Variants in CUL1 observed in about 807,000 individuals in gnomAD.
The protein encoded by CUL1 is cullin-1.
Under a neutral mutation model 118.0 loss-of-function variants are expected in CUL1, and 24 were observed. The ratio of observed to expected loss-of-function variants is 0.20; its 90% CI spans 0.15 to 0.29. The LOEUF is 0.29. Among genes scored for constraint, CUL1 ranks in the 10% least tolerant of loss-of-function variants. The pLI is 1.00. For synonymous variants in CUL1, 332 were observed against 340.4 expected (o/e 0.98, Z 0.27); for missense variants, 361 against 933.8 (o/e 0.39, Z 7.99).
chr7:148,765,719 C>T lies in CUL1; in HGVS notation c.790-842C>T, dbSNP rs114725679. ...ATATAATTCTCTTTACTCAGATCACCTGAATAATTTATTGAAATTTCTTCC... is the reference window on the plus strand; with the variant it reads ...ATATAATTCTCTTTACTCAGATCACTTGAATAATTTATTGAAATTTCTTCC... On this transcript the variant is annotated intron_variant, in intron 7 of 21. Coordinates refer to ENST00000325222, the MANE Select transcript of CUL1 (RefSeq NM_003592.3). 1.5e-3 allele frequency among the ~76,000 whole-genome samples: 224 copies of T among 152,312 alleles called. 2 individuals are homozygous for T. Among genetic ancestry groups the T allele is most frequent in the African/African-American group, 5.2e-3 (218 of 41,576 alleles).
chr7:148,779,109 A>G (rs1163256832), intron 9 of CUL1, among the ~76,000 whole-genome samples: 1 of 152,222 alleles, frequency 6.6e-6, no homozygotes, highest in African/African-American at 2.4e-5. Context: ...AGTAAGATAA[A>G]AAGTTATGTG....
intron 9 of CUL1, among the ~76,000 whole-genome samples, chr7:148,779,646 G>A (rs1212422637): frequency 6.6e-6 from 1 of 152,208 alleles, no homozygotes; most frequent in Non-Finnish European, 1.5e-5. Flanking sequence ...AACCAACGGA[G>A]AGTGATACAG....
At chr7:148,767,872 C>A in intron 9 of CUL1, 123 bp downstream of exon 9, 1 of 989,332 alleles carries the variant, frequency 1.0e-6, no homozygotes, top group Non-Finnish European at 1.5e-6. Context: ...CTCTGAGAAC[C>A]ATGTTTTGTC....
At chr7:148,736,499 T>C (rs1385578695) in intron 2 of CUL1, among the ~76,000 whole-genome samples, 1 of 152,056 alleles carries the variant, frequency 6.6e-6, no homozygotes. Context: ...CATGGAGTCT[T>C]GCTATGTTGC....
upstream of CUL1, chr7:148,698,697 C>T (rs1797602437): frequency 6.6e-6 from 1 of 152,100 alleles, no homozygotes; most frequent in Non-Finnish European, 1.5e-5. Flanking sequence ...CTCCCCCGCC[C>T]CGGACGCCGA....
At chr7:148,704,316 G>A (rs243545) in intron 1 of CUL1, among the ~76,000 whole-genome samples, 68,218 of 151,910 alleles carry the variant, frequency 0.45, 16,200 homozygotes, top group African/African-American at 0.61. Context: ...ATTAAAAAAT[G>A]AACTACTTAT....
intron 2 of CUL1, among the ~76,000 whole-genome samples, chr7:148,746,524 C>CTA (rs1799314238): frequency 6.6e-6 from 1 of 152,186 alleles, no homozygotes; most frequent in African/African-American, 2.4e-5. Flanking sequence ...TAGCCTTGGA[C>CTA]TACTACTAAG....
rs773944985 is a variant in CUL1, at chr7:148,730,140, C to T, written c.18C>T (p.Ser6=). ...CCCTCACAATGTCGTCAACCCGGAG[C>T]CAGAACCCCCACGGCCTGAAGCAGA... MSSTR[S]QNPHGLKQIG... is the part of the protein sequence containing the mutation. Residue 6 remains serine (S), a synonymous_variant, in exon 2 of 22, where the codon AGC becomes AGT. Transcript: ENST00000325222. 1.2e-6 allele frequency: 2 copies of T among 1,613,708 alleles called. No individual in the cohort carries two copies. Among genetic ancestry groups the T allele is most frequent in the Admixed American group, 3.3e-5 (2 of 59,908 alleles).
At chr7:148,768,600 G>T (rs530385040) in intron 9 of CUL1, among the ~76,000 whole-genome samples, 9 of 151,888 alleles carry the variant, frequency 5.9e-5, no homozygotes, top group African/African-American at 1.9e-4. Flanking sequence ...GGCCAGGCTG[G>T]TCTCAAACTC....
In CUL1 at chr7:148,798,720, G is replaced by A. The variant is rs192342990; in HGVS notation, c.2136+43G>A. On this transcript the variant is annotated intron_variant, in intron 20 of 21. Transcript: ENST00000325222. ...CTGTGCCAGGTGTGCTGTCCCTCAC[G>A]CAGGGATGGCTCGCAAGGACGGGCC... 107 of 1,514,650 alleles carry A rather than the reference G, an allele frequency of 7.1e-5. No homozygotes were observed. In the African/African-American group the frequency reaches 1.3e-3, roughly 18 times the overall value. The allele number at this position is 1,514,650 out of a possible 1,614,324, so 93.8% of individuals were successfully genotyped here. A position where few individuals can be genotyped will look rare whatever the true frequency, so the allele number is the denominator to read the frequency against.
chr7:148,729,031 G>A (rs918154731), intron 1 of CUL1, among the ~76,000 whole-genome samples: 1 of 152,228 alleles, frequency 6.6e-6, no homozygotes, highest in South Asian at 2.1e-4. Flanking sequence ...AAACCTTTAC[G>A]TTTTGATGTG....
intron 2 of CUL1, among the ~76,000 whole-genome samples, chr7:148,741,026 G>T (rs952125909): frequency 2.0e-5 from 3 of 152,168 alleles, no homozygotes; most frequent in African/African-American, 7.2e-5. Flanking sequence ...TTTGTGACTG[G>T]CTTTCTTCCA....
intron 19 of CUL1, 72 bp downstream of exon 19, chr7:148,798,091 A>C: frequency 1.7e-4 from 148 of 862,514 alleles, no homozygotes; most frequent in Middle Eastern, 3.5e-4. Flanking sequence ...CACGGATCTC[A>C]GTATTGTTAC....
In CUL1 at chr7:148,699,842, T is replaced by G. The variant is rs1041164127; in HGVS notation, c.-162+813T>G. Reference sequence around the variant, plus strand: ...CCGGTCCCAACGGGAGCGCGCGCCCTGACCCTGAGGGTAGCCGTGCGCCCG... The same window carrying G: ...CCGGTCCCAACGGGAGCGCGCGCCCGGACCCTGAGGGTAGCCGTGCGCCCG... On this transcript the variant is annotated intron_variant, in intron 1 of 21. Coordinates refer to ENST00000325222, the MANE Select transcript of CUL1 (RefSeq NM_003592.3). Among the ~76,000 whole-genome samples the G allele has an allele frequency of 9.5e-4, 145 of 152,084 alleles. 1 individual carries two copies. Among genetic ancestry groups the G allele is most frequent in the African/African-American group, 3.5e-3 (144 of 41,512 alleles).
At chr7:148,748,225 C>T (rs1474951168) in intron 2 of CUL1, among the ~76,000 whole-genome samples, 4 of 151,908 alleles carry the variant, frequency 2.6e-5, no homozygotes, top group Non-Finnish European at 4.4e-5. Context: ...AACAGTTTAC[C>T]TAAAACCAAA....
intron 11 of CUL1, among the ~76,000 whole-genome samples, chr7:148,784,831 G>A (rs1452286005): frequency 2.6e-5 from 4 of 152,094 alleles, no homozygotes; most frequent in African/African-American, 9.7e-5. Flanking sequence ...AAAAAAGACC[G>A]AGAAATACCC....
In CUL1 at chr7:148,784,137, G is replaced by A; in HGVS notation, c.1298+60G>A. On this transcript the variant is annotated intron_variant, in intron 11 of 21. Transcript: ENST00000325222. ...GTTTAAAATCTCAGCTTTTATATGA[G>A]GAATTAAAACCTACATTACATTTTA... The A allele has an allele frequency of 3.0e-6, 4 of 1,329,416 alleles. No individual in the cohort carries two copies. The South Asian group carries it at 3.6e-5, about 12-fold the overall frequency. The allele number at this position is 1,329,416 out of a possible 1,614,324, so 82.4% of individuals were successfully genotyped here. A position where few individuals can be genotyped will look rare whatever the true frequency, so the allele number is the denominator to read the frequency against.
chr7:148,789,629 T>C, intron 14 of CUL1, 121 bp from the exon 15 acceptor site: 1 of 756,024 alleles, frequency 1.3e-6, no homozygotes, highest in Non-Finnish European at 2.2e-6. Flanking sequence ...GCAGGATTTT[T>C]ATTTAATGTG....
At position 148,797,921 on chromosome 7, in the gene CUL1, A is replaced by G; in HGVS notation, c.1948-16A>G. ...CCTTTTCCTGAGATTGTAGAGTAAC[A>G]ATTGTTTTCTTACAGGTCTTGGAAG... is the stretch of plus-strand genomic sequence containing the variant. On this transcript the variant is annotated splice_polypyrimidine_tract_variant and intron_variant, in intron 18 of 21. Coordinates refer to ENST00000325222, the MANE Select transcript of CUL1 (RefSeq NM_003592.3). 6.2e-7 allele frequency: 1 copy of G among 1,612,018 alleles called. No homozygotes were observed. Among genetic ancestry groups the G allele is most frequent in the East Asian group, 2.2e-5 (1 of 44,868 alleles).
Sources: allele counts gnomAD v4.1 joint callset (sites outside exome capture counted in the v4.1 genomes callset), GRCh38; gene constraint gnomAD v4.1.1; transcripts MANE v1.5; gene names NCBI Gene and HGNC (gene_info 2026-07-23, HGNC 2026-07-21).